The following TENM2 variants were observed in gnomAD, a reference collection of about 807,000 sequenced individuals.
The protein encoded by TENM2 is teneurin transmembrane protein 2, also known as teneurin-2.
In TENM2, 52 loss-of-function variants were observed where a neutral mutation model predicts 245.2. The ratio of observed to expected loss-of-function variants is 0.21; its 90% CI spans 0.17 to 0.27. TENM2 has a LOEUF of 0.27. TENM2 is among the 10% of genes least tolerant of loss of function. TENM2 has a pLI of 1.00. For synonymous variants in TENM2, 1,363 were observed against 1,438.9 expected (o/e 0.95, Z 1.19); for missense variants, 3,046 against 3,666.8 (o/e 0.83, Z 4.37).
At chr5:167,917,282 C>G (rs1231098170) in intron 3 of TENM2, among the ~76,000 whole-genome samples, 3 of 151,936 alleles carry the variant, frequency 2.0e-5, no homozygotes, top group Non-Finnish European at 4.4e-5. Context: ...GAGAAAATTC[C>G]CTCAGAAGCC....
chr5:167,643,549 A>G (rs1230082423), intron 2 of TENM2, among the ~76,000 whole-genome samples: 2 of 152,222 alleles, frequency 1.3e-5, no homozygotes, highest in African/African-American at 4.8e-5. Context: ...TACCTCTATA[A>G]AAACTGAAGG....
At position 167,667,692 on chromosome 5, in the gene TENM2, C is replaced by T. The variant is rs79116391; in HGVS notation, c.503-208294C>T. On this transcript the variant is annotated intron_variant, in intron 2 of 28. Coordinates refer to ENST00000518659, the Ensembl canonical transcript of TENM2. ...CCATGGGCAGTGGAGAGGAGACAGTCGTCTCACTAATGTCCACTCCTGTTC... is the reference window on the plus strand; with the variant it reads ...CCATGGGCAGTGGAGAGGAGACAGTTGTCTCACTAATGTCCACTCCTGTTC... Among the ~76,000 whole-genome samples, 1,016 of 152,272 alleles carry T rather than the reference C, an allele frequency of 6.7e-3. 31 individuals are homozygous for T. The highest frequency in any genetic ancestry group is 0.044 in the Admixed American group (673 of 15,282).
At chr5:168,237,424 AT>A (rs1765603137) in intron 25 of TENM2, among the ~76,000 whole-genome samples, 1 of 152,058 alleles carries the variant, frequency 6.6e-6, no homozygotes, top group Non-Finnish European at 1.5e-5. Flanking sequence ...ACTAATGTTC[AT>A]TGAGCACCAA....
At chr5:168,234,766 A>C (rs1765267883) in intron 25 of TENM2, among the ~76,000 whole-genome samples, 1 of 152,236 alleles carries the variant, frequency 6.6e-6, no homozygotes, top group Admixed American at 6.5e-5. Flanking sequence ...ACCACGCTCT[A>C]GGATATTTCT....
rs192876619 is a variant in TENM2, at chr5:168,066,869, A to G, written c.1515+4604A>G. On this transcript the variant is annotated intron_variant, in intron 7 of 28. Coordinates refer to ENST00000518659, the Ensembl canonical transcript of TENM2. ...GGTAACAGACAGAAGAAAAAGAATA[A>G]TCTGACCTGGCTACAGTGCTAGGTG... Among the ~76,000 whole-genome samples, 568 of 152,330 alleles carry G rather than the reference A, an allele frequency of 3.7e-3. 4 individuals are homozygous for G. The highest frequency in any genetic ancestry group is 6.6e-3 in the Non-Finnish European group (446 of 68,026).
chr5:167,219,339 AAACC>A, the TENM2 span, among the ~76,000 whole-genome samples: 1 of 143,132 alleles, frequency 7.0e-6, no homozygotes, highest in Non-Finnish European at 1.5e-5. Flanking sequence ...AAGCAAAACA[AAACC>A]AACCAAACAA....
chr5:167,553,198 G>C (rs1773068792), intron 2 of TENM2, among the ~76,000 whole-genome samples: 1 of 152,194 alleles, frequency 6.6e-6, no homozygotes, highest in Admixed American at 6.5e-5. Context: ...TATGTGAGGA[G>C]CAGGGAAGAC....
At chr5:167,609,838 C>T (rs1194369242) in intron 2 of TENM2, among the ~76,000 whole-genome samples, 1 of 152,060 alleles carries the variant, frequency 6.6e-6, no homozygotes, top group African/African-American at 2.4e-5. Flanking sequence ...GGAGATTTCT[C>T]CCTACCAGCA....
chr5:167,681,947 C>T (rs567080501), intron 2 of TENM2, among the ~76,000 whole-genome samples: 28 of 151,910 alleles, frequency 1.8e-4, no homozygotes, highest in Admixed American at 3.3e-4. Flanking sequence ...TGTGTGTGTG[C>T]GTGTTTGTGT....
Position 168,090,653 on chromosome 5 carries a change from C to A in TENM2, c.1595C>A (p.Thr532Asn), listed in dbSNP as rs560055595. The change falls in exon 8 of 29, where the codon ACC becomes AAC. Residue 532 changes from threonine to asparagine, a missense_variant. Physicochemically the swap from Thr to Asn is moderately conservative, Grantham distance 65. Coordinates refer to ENST00000518659, the Ensembl canonical transcript of TENM2. The stretch of plus-strand genomic sequence containing the variant: ...CCCAGGGAACGCCGGAGCATACAGA[C>A]CTTGGTTCAGAATGAAGCCGTGTTT... The A allele has an allele frequency of 3.7e-6, 6 of 1,613,848 alleles. No individual in the cohort carries two copies. In the East Asian group the frequency reaches 1.3e-4, roughly 36 times the overall value.
intron 2 of TENM2, among the ~76,000 whole-genome samples, chr5:167,413,679 A>C (rs1160897500): frequency 6.6e-6 from 1 of 152,146 alleles, no homozygotes; most frequent in Admixed American, 6.6e-5. Flanking sequence ...GTATAGAACC[A>C]GTAAGATTTA....
intron 2 of TENM2, among the ~76,000 whole-genome samples, chr5:167,438,655 C>G (rs1764711467): frequency 1.3e-5 from 2 of 152,070 alleles, no homozygotes; most frequent in South Asian, 4.1e-4. Flanking sequence ...CCTTGGCCTC[C>G]CAAAGTGCTG....
intron 5 of TENM2, among the ~76,000 whole-genome samples, chr5:168,009,540 G>A (rs948427919): frequency 3.3e-5 from 5 of 152,042 alleles, no homozygotes; most frequent in Non-Finnish European, 7.4e-5. Flanking sequence ...CTGAAGTCTC[G>A]ATTTATTTTC....
At chr5:167,900,140 G>T (rs1175762676) in intron 3 of TENM2, among the ~76,000 whole-genome samples, 1 of 122,724 alleles carries the variant, frequency 8.1e-6, no homozygotes, top group Non-Finnish European at 1.6e-5. Context: ...AAAAGGGGGG[G>T]GGGGTTTTGG....
At chr5:167,493,377 G>A (rs1768574675) in intron 2 of TENM2, among the ~76,000 whole-genome samples, 1 of 152,090 alleles carries the variant, frequency 6.6e-6, no homozygotes, top group Non-Finnish European at 1.5e-5. Context: ...AGCTTAATAT[G>A]CCTGAGTTCA....
chr5:168,123,317 C>G (rs143842276), intron 10 of TENM2, among the ~76,000 whole-genome samples: 1 of 151,846 alleles, frequency 6.6e-6, no homozygotes, highest in East Asian at 1.9e-4. Flanking sequence ...AACAAACAAA[C>G]AAAAAAGGCA....
At chr5:167,960,152 C>T (rs1780888280) in intron 4 of TENM2, among the ~76,000 whole-genome samples, 1 of 152,220 alleles carries the variant, frequency 6.6e-6, no homozygotes, top group Admixed American at 6.5e-5. Flanking sequence ...AGGTGTCTCC[C>T]AGTCAGGAGG....
At chr5:167,501,049 T>G (rs1228896686) in intron 2 of TENM2, among the ~76,000 whole-genome samples, 1 of 152,180 alleles carries the variant, frequency 6.6e-6, no homozygotes, top group Non-Finnish European at 1.5e-5. Context: ...GTTTCTTGTT[T>G]TCCTCTGGCC....
chr5:167,798,411 T>C (rs542569223), intron 2 of TENM2, among the ~76,000 whole-genome samples: 6 of 152,126 alleles, frequency 3.9e-5, no homozygotes, highest in Non-Finnish European at 8.8e-5. Flanking sequence ...TCCTGGTGAA[T>C]TAGGACAAGA....
Sources: gnomAD v4.1 joint callset for allele counts (sites outside exome capture counted in the v4.1 genomes callset) on GRCh38, gnomAD v4.1.1 for gene constraint, MANE v1.5 for transcripts, NCBI Gene and HGNC (gene_info 2026-07-23, HGNC 2026-07-21) for gene names.